The following DLGAP1 variants were observed in gnomAD, a reference collection of about 807,000 sequenced individuals.
DLGAP1 encodes DLG associated protein 1, also known as disks large-associated protein 1.
Under a neutral mutation model 90.8 loss-of-function variants are expected in DLGAP1, and 11 were observed. The ratio of observed to expected loss-of-function variants is 0.12; its 90% CI spans 0.08 to 0.20. DLGAP1 has a LOEUF of 0.20. Ranked by LOEUF, DLGAP1 falls within the 10% of genes least tolerant of loss-of-function variation. The pLI is 1.00. For missense variants in DLGAP1, 1,050 were observed against 1,333.8 expected (o/e 0.79, Z 3.31); for synonymous variants, 558 against 540.7 (o/e 1.03, Z -0.44).
chr18:3,945,671 T>C (rs1428677261), intron 3 of DLGAP1, among the ~76,000 whole-genome samples: 1 of 152,202 alleles, frequency 6.6e-6, no homozygotes, highest in Non-Finnish European at 1.5e-5. Context: ...TTGGGAGATA[T>C]ACCTAATGCT....
intron 7 of DLGAP1, among the ~76,000 whole-genome samples, chr18:3,612,081 G>T (rs747346693): frequency 6.6e-5 from 10 of 152,232 alleles, no homozygotes; most frequent in Admixed American, 6.5e-4. Context: ...TGATGTTTAA[G>T]AATATGGCAC....
intron 7 of DLGAP1, chr18:3,655,543 G>A (rs1252729122): frequency 2.0e-5 from 3 of 152,308 alleles, no homozygotes; most frequent in Non-Finnish European, 4.4e-5. Flanking sequence ...CAACAGTAAA[G>A]GAACTTGGTC....
In DLGAP1 at chr18:4,365,447, T is replaced by G. The variant is rs149334425; in HGVS notation, c.-267+89559A>C. On this transcript the variant is annotated intron_variant, in intron 1 of 12. Coordinates refer to ENST00000315677, the MANE Select transcript of DLGAP1 (RefSeq NM_004746.4). ...TGTAAACAGGCTAAAGGAATCCTTT[T>G]GAAGTGATAGAAAATGTTCTAAAAC... Among the ~76,000 whole-genome samples the G allele has an allele frequency of 4.6e-3, 694 of 152,254 alleles. 1 individual carries two copies. The highest frequency in any genetic ancestry group is 0.02 in the Middle Eastern group (6 of 294).
chr18:4,249,447 CA>C (rs11301773), intron 1 of DLGAP1, among the ~76,000 whole-genome samples: 45,290 of 101,816 alleles, frequency 0.44, 7,637 homozygotes, highest in South Asian at 0.57. Flanking sequence ...AATGTTCTGG[CA>C]AAAAAAAAAA....
At chr18:3,877,981 T>G (rs2071046589) in intron 4 of DLGAP1, among the ~76,000 whole-genome samples, 2 of 152,172 alleles carry the variant, frequency 1.3e-5, no homozygotes. Context: ...GTCCAGGGAT[T>G]GCCAGCTTGG....
At chr18:3,773,195 G>C (rs1473449614) in intron 5 of DLGAP1, among the ~76,000 whole-genome samples, 1 of 151,998 alleles carries the variant, frequency 6.6e-6, no homozygotes, top group Non-Finnish European at 1.5e-5. Context: ...TTCTAGGTGG[G>C]CTCTGTTGCC....
intron 1 of DLGAP1, chr18:4,280,778 TG>T (rs2079532358): frequency 6.6e-6 from 1 of 152,218 alleles, no homozygotes; most frequent in African/African-American, 2.4e-5. Context: ...TAAGCAACGA[TG>T]ACCTCTTAAA....
intron 7 of DLGAP1, among the ~76,000 whole-genome samples, chr18:3,652,163 C>CAA (rs756445206): frequency 0.047 from 4,357 of 93,318 alleles, 135 homozygotes; most frequent in East Asian, 0.22. Context: ...GACTCTGTAT[C>CAA]AAAAAAAAAA....
chr18:3,957,965 C>T (rs1452643133), intron 3 of DLGAP1, among the ~76,000 whole-genome samples: 1 of 149,090 alleles, frequency 6.7e-6, no homozygotes, highest in African/African-American at 2.5e-5. Flanking sequence ...GTGATCTCGG[C>T]TCACTGCAAC....
intron 3 of DLGAP1, among the ~76,000 whole-genome samples, chr18:3,921,179 T>A (rs2072261816): frequency 6.6e-6 from 1 of 152,190 alleles, no homozygotes; most frequent in Non-Finnish European, 1.5e-5. Context: ...CTAACCTGGG[T>A]TTTTGTTCTA....
At chr18:4,288,575 G>A (rs1453356690) in intron 1 of DLGAP1, among the ~76,000 whole-genome samples, 1 of 152,086 alleles carries the variant, frequency 6.6e-6, no homozygotes. Flanking sequence ...TAGGCCCTGA[G>A]GATTTGCTTG....
chr18:4,151,711 T>C (rs1598491621), intron 1 of DLGAP1, among the ~76,000 whole-genome samples: 1 of 152,332 alleles, frequency 6.6e-6, no homozygotes, highest in African/African-American at 2.4e-5. Flanking sequence ...CTAAAATGTA[T>C]CATTTTTTTC....
chr18:3,511,187 C>T (rs1185681326), intron 10 of DLGAP1, among the ~76,000 whole-genome samples: 1 of 152,206 alleles, frequency 6.6e-6, no homozygotes, highest in Non-Finnish European at 1.5e-5. Context: ...TTGGGAGAAG[C>T]AGATGACAAC....
intron 1 of DLGAP1, among the ~76,000 whole-genome samples, chr18:4,349,870 A>G (rs1243670286): frequency 1.3e-5 from 2 of 152,192 alleles, no homozygotes; most frequent in African/African-American, 4.8e-5. Context: ...TATGGATTAA[A>G]TAACACTCAC....
intron 2 of DLGAP1, among the ~76,000 whole-genome samples, chr18:4,041,947 C>CAG (rs1346026554): frequency 4.6e-5 from 7 of 152,096 alleles, no homozygotes; most frequent in Non-Finnish European, 7.4e-5. Flanking sequence ...GGGCTGTGGG[C>CAG]AGAGATATGG....
chr18:4,355,450 T>C (rs1267884449), intron 1 of DLGAP1, among the ~76,000 whole-genome samples: 3 of 152,186 alleles, frequency 2.0e-5, no homozygotes, highest in African/African-American at 7.2e-5. Flanking sequence ...GGGATAGGAA[T>C]AAAGGATGTG....
intron 3 of DLGAP1, among the ~76,000 whole-genome samples, chr18:3,930,067 A>G (rs1407134900): frequency 6.6e-6 from 1 of 152,232 alleles, no homozygotes; most frequent in East Asian, 1.9e-4. Flanking sequence ...TATCTTAAAC[A>G]GAACAAAAAG....
intron 2 of DLGAP1, among the ~76,000 whole-genome samples, chr18:4,115,189 T>C (rs2076040723): frequency 6.6e-6 from 1 of 152,174 alleles, no homozygotes; most frequent in South Asian, 2.1e-4. Context: ...CAGATTTATA[T>C]AAAATTCATT....
chr18:4,321,022 C>T (rs887494057), intron 1 of DLGAP1, among the ~76,000 whole-genome samples: 3 of 152,128 alleles, frequency 2.0e-5, no homozygotes, highest in South Asian at 2.1e-4. Flanking sequence ...TTATTAACTT[C>T]GTCATCATTT....
Sources: allele counts gnomAD v4.1 joint callset (sites outside exome capture counted in the v4.1 genomes callset), GRCh38; gene constraint gnomAD v4.1.1; transcripts MANE v1.5; gene names NCBI Gene and HGNC (gene_info 2026-07-23, HGNC 2026-07-21).